Variants in SLC2A11 observed in about 807,000 individuals in gnomAD.
SLC2A11 encodes solute carrier family 2 member 11, also known as solute carrier family 2, facilitated glucose transporter member 11.
A neutral mutation model predicts 52.1 loss-of-function variants in SLC2A11; 43 were observed. The ratio of observed to expected loss-of-function variants is 0.82; its 90% CI spans 0.65 to 1.06. SLC2A11 has a LOEUF of 1.06. SLC2A11 is among the 50% of genes least tolerant of loss of function. The pLI, the probability that SLC2A11 is intolerant of heterozygous loss-of-function variation, is 0.00. For missense variants in SLC2A11, 582 were observed against 654.2 expected (o/e 0.89, Z 1.20); for synonymous variants, 261 against 277.6 (o/e 0.94, Z 0.59).
chr22:23,880,210 G>A (rs1023379097), intron 6 of SLC2A11, among the ~76,000 whole-genome samples: 2 of 141,272 alleles, frequency 1.4e-5, no homozygotes, highest in Non-Finnish European at 3.0e-5. Flanking sequence ...CCAAGATTGT[G>A]CCAGTGCACA....
intron 1 of SLC2A11, among the ~76,000 whole-genome samples, chr22:23,861,539 GC>G (rs1270931725): frequency 6.6e-6 from 1 of 152,180 alleles, no homozygotes; most frequent in Non-Finnish European, 1.5e-5. Flanking sequence ...AGGCACCTGG[GC>G]CATTTATGCT....
chr22:23,868,905 C>T (rs989310762), intron 3 of SLC2A11: 18 of 447,700 alleles, frequency 4.0e-5, no homozygotes, highest in Non-Finnish European at 6.0e-5. Flanking sequence ...TGACCTTAAA[C>T]AAGTTATTTT....
chr22:23,868,442 C>T (rs766144517), intron 2 of SLC2A11, 39 bp from the exon 3 acceptor site: 266 of 1,610,218 alleles, frequency 1.7e-4, no homozygotes, highest in Admixed American at 2.0e-4. Flanking sequence ...ACCCCCACGC[C>T]ACCATCCCCA....
chr22:23,857,920 A>C lies in SLC2A11; in HGVS notation c.-80A>C. The C allele has an allele frequency of 1.3e-6, 2 of 1,586,518 alleles. No homozygotes were observed. Among genetic ancestry groups the C allele is most frequent in the African/African-American group, 1.3e-5 (1 of 74,174 alleles). ...GCGCGCTGCCCTTCCCTCCGCGCACAGGCTGCCGGCTCACCGCTTGCTAAT... is the reference window on the plus strand; with the variant it reads ...GCGCGCTGCCCTTCCCTCCGCGCACCGGCTGCCGGCTCACCGCTTGCTAAT... On this transcript the variant is annotated 5_prime_UTR_variant, in exon 1 of 12. Coordinates refer to ENST00000316185, the MANE Select transcript of SLC2A11 (RefSeq NM_001024939.4).
intron 2 of SLC2A11, among the ~76,000 whole-genome samples, chr22:23,864,362 C>A (rs1056984106): frequency 3.9e-5 from 6 of 152,136 alleles, no homozygotes; most frequent in Non-Finnish European, 7.4e-5. Flanking sequence ...GCTCTTGTTG[C>A]CCAAGCTGGA....
rs2032947449 is a variant in SLC2A11, at chr22:23,884,801, G to C, written c.1452G>C (p.Gln484His). The change falls in exon 12 of 12, where the codon CAG becomes CAC. Residue 484 changes from glutamine (Q) to histidine (H), a missense_variant. Transcript: ENST00000316185. This position sits in a 1 kb window ranked among gnomAD's most constrained non-coding sequence, Gnocchi z 4.3. ...GACTCAACTTCCCCAGGCGGGCCCA[G>C]GGCCCCACGTGGAGGAGCCTGGAGG... is the stretch of plus-strand genomic sequence containing the variant. ...LHRLNFPRRAQGPTWRSLEVI... is the reference protein window; with the variant it reads ...LHRLNFPRRAHGPTWRSLEVI... 1 of 1,614,092 alleles carries C rather than the reference G, an allele frequency of 6.2e-7. No homozygotes were observed. The highest frequency in any genetic ancestry group is 8.5e-7 in the Non-Finnish European group (1 of 1,180,048).
At chr22:23,857,177 G>C (rs554019529), upstream of SLC2A11, 8 of 890,834 alleles carry the variant, frequency 9.0e-6, no homozygotes, top group Admixed American at 2.4e-5. Flanking sequence ...TCTGGCGGCC[G>C]GCAGTGGCGA....
chr22:23,869,633 C>G (rs999836623), intron 3 of SLC2A11: 1 of 209,988 alleles, frequency 4.8e-6, no homozygotes, highest in African/African-American at 2.3e-5. Context: ...CTGGATGACA[C>G]AGTGAGCCCC....
chr22:23,882,678 C>T (rs774542143), intron 7 of SLC2A11, 32 bp downstream of exon 7: 1 of 1,607,038 alleles, frequency 6.2e-7, no homozygotes, highest in South Asian at 1.1e-5. Flanking sequence ...ACACCCTGGG[C>T]CCCGGGGGCT....
At chr22:23,857,331 G>C (rs2031870300), upstream of SLC2A11, 1 of 1,234,768 alleles carries the variant, frequency 8.1e-7, no homozygotes, top group African/African-American at 1.5e-5. Flanking sequence ...TGGGAGCGCG[G>C]CGACCAGAGT....
At chr22:23,858,117 G>A (rs1225855077) in intron 1 of SLC2A11, 88 bp downstream of exon 1, 1 of 1,516,840 alleles carries the variant, frequency 6.6e-7, no homozygotes. Context: ...CCACCTGGGA[G>A]GCTTAACTAA....
At position 23,875,189 on chromosome 22, in the gene SLC2A11, A is replaced by G. The variant is rs748062753; in HGVS notation, c.363A>G (p.Ala121=). ...AAILFGFSRK[A]GSFEMIMLGR... ...TCCTGTTTGGATTCAGCCGCAAAGC[A>G]GGCTCCTTTGAGATGATCATGCTGG... is the stretch of plus-strand genomic sequence containing the variant. Residue 121 remains alanine (A), a synonymous_variant, in exon 4 of 12, where the codon GCA becomes GCG. Coordinates refer to ENST00000316185, the MANE Select transcript of SLC2A11 (RefSeq NM_001024939.4). The G allele has an allele frequency of 5.7e-6, 9 of 1,589,482 alleles. No homozygotes were observed. In the Admixed American group the frequency reaches 1.2e-4, roughly 22 times the overall value.
rs370038174 is a variant in SLC2A11, at chr22:23,884,451, G to A, written c.1299+22G>A. 1 of 1,609,420 alleles carries A rather than the reference G, an allele frequency of 6.2e-7. No individual in the cohort carries two copies. Among genetic ancestry groups the A allele is most frequent in the South Asian group, 1.1e-5 (1 of 90,396 alleles). On this transcript the variant is annotated intron_variant, in intron 11 of 11. Coordinates refer to ENST00000316185, the MANE Select transcript of SLC2A11 (RefSeq NM_001024939.4). The surrounding 1 kb of genome is among the most constrained non-coding windows in gnomAD (Gnocchi z 4.3). ...CATGGTAGGCCCGCCCCTCCCGCTG[G>A]GGGCCCTGCCTTAGGCTGTGTCCCT...
intron 1 of SLC2A11, among the ~76,000 whole-genome samples, chr22:23,860,724 C>G (rs1248270669): frequency 2.7e-5 from 2 of 72,738 alleles, no homozygotes; most frequent in East Asian, 3.4e-4. Context: ...CAGAGCAAAA[C>G]TCCGTCTCTT....
chr22:23,858,886 T>C (rs1334489778), intron 1 of SLC2A11, among the ~76,000 whole-genome samples: 2 of 152,208 alleles, frequency 1.3e-5, no homozygotes, highest in Non-Finnish European at 2.9e-5. Context: ...ATTTTGTCTG[T>C]TGTTCACTGC....
At chr22:23,881,940 A>T (rs1257309096) in intron 6 of SLC2A11, 2 of 132,998 alleles carry the variant, frequency 1.5e-5, no homozygotes, top group Non-Finnish European at 3.0e-5. Context: ...AGACAGAGGC[A>T]GAGAGAGAGA....
intron 4 of SLC2A11, 90 bp from the exon 5 acceptor site, chr22:23,876,952 G>A (rs530787978): frequency 6.3e-7 from 1 of 1,599,830 alleles, no homozygotes; most frequent in East Asian, 2.2e-5. Context: ...TGGCTGGACA[G>A]TGCTGAGTGG....
At chr22:23,858,266 C>G in intron 1 of SLC2A11, 1 of 676,574 alleles carries the variant, frequency 1.5e-6, no homozygotes, top group Non-Finnish European at 2.7e-6. Context: ...CATCCCAGCC[C>G]CCAGAGATGC....
At chr22:23,868,318 T>G (rs2032334282) in intron 2 of SLC2A11, 163 bp from the exon 3 acceptor site, 12 of 728,056 alleles carry the variant, frequency 1.6e-5, no homozygotes, top group Non-Finnish European at 9.0e-6. Context: ...AGGGAGGTGC[T>G]CAGGCGAGTT....
Sources: gnomAD v4.1 joint callset for allele counts (sites outside exome capture counted in the v4.1 genomes callset) on GRCh38, gnomAD v4.1.1 for gene constraint, Gnocchi (gnomAD v3.1) non-coding constraint, MANE v1.5 for transcripts, NCBI Gene and HGNC (gene_info 2026-07-23, HGNC 2026-07-21) for gene names.